KRCC1: variants seen among roughly 807,000 people sequenced by gnomAD.
KRCC1 encodes the protein lysine rich coiled-coil 1.
Under a neutral mutation model 7.4 loss-of-function variants are expected in KRCC1, and 3 were observed. That is an observed-to-expected ratio of 0.40 (90% CI 0.18 to 1.04). The LOEUF is 1.04. KRCC1 is among the 50% of genes least tolerant of loss of function. The pLI, the probability that KRCC1 is intolerant of heterozygous loss-of-function variation, is 0.33. For missense variants in KRCC1, 277 were observed against 300.9 expected, an observed-to-expected ratio of 0.92 and a Z score of 0.59; for synonymous variants, 102 against 101.6, an observed-to-expected ratio of 1.00 and a Z score of -0.02.
At position 88,028,238 on chromosome 2, in the gene KRCC1, T is replaced by A. The variant is rs1457652868; in HGVS notation, c.326A>T (p.Asp109Val). The change falls in exon 4 of 4, where the codon GAC becomes GTC. Residue 109 changes from aspartate to valine, a missense_variant. Physicochemically the swap from Asp to Val is radical, Grantham distance 152. Transcript: ENST00000347055. ...DSLSYCQFTR[D>V]CFSEKPVPLN... ...GGGTACTGGTTTTTCTGAGAAACAG[T>A]CCCTCGTGAACTGACAGTAGCTCAG... 1 of 1,614,082 alleles carries A rather than the reference T, an allele frequency of 6.2e-7. No homozygotes were observed. Among genetic ancestry groups the A allele is most frequent in the Non-Finnish European group, 8.5e-7 (1 of 1,180,034 alleles).
chr2:88,028,232 A>G lies in KRCC1; in HGVS notation c.332T>C (p.Phe111Ser), dbSNP rs1476978156. 1 of 1,614,192 alleles carries G rather than the reference A, an allele frequency of 6.2e-7. No individual in the cohort carries two copies. The highest frequency in any genetic ancestry group is 8.5e-7 in the Non-Finnish European group (1 of 1,180,020). ...LSYCQFTRDC[F>S]SEKPVPLNFN... ...GTTCAGGGGTACTGGTTTTTCTGAG[A>G]AACAGTCCCTCGTGAACTGACAGTA... is the stretch of plus-strand genomic sequence containing the variant. The change falls in exon 4 of 4, where the codon TTC becomes TCC. Residue 111 changes from phenylalanine (F) to serine (S), a missense_variant. Transcript: ENST00000347055.
intron 1 of KRCC1, 97 bp downstream of exon 1, chr2:88,055,529 G>C (rs940719521): frequency 6.6e-6 from 1 of 151,984 alleles, no homozygotes; most frequent in Non-Finnish European, 1.5e-5. Flanking sequence ...CACACTCGGG[G>C]CGCGCCCGGC....
Position 88,027,411 on chromosome 2 carries a change from C to A in KRCC1, c.*373G>T. ...GAGAAAAACCAATGAACATAAAATA[C>A]CCAACTCAAAACTATAACAAACCCA... On this transcript the variant is annotated 3_prime_UTR_variant, in exon 4 of 4. Coordinates refer to ENST00000347055, the MANE Select transcript of KRCC1 (RefSeq NM_016618.3). 6.0e-6 allele frequency: 1 copy of A among 166,466 alleles called. No individual in the cohort carries two copies. The highest frequency in any genetic ancestry group is 1.3e-5 in the Non-Finnish European group (1 of 77,798). The allele number at this position is 166,466 out of a possible 1,614,324, so 10.3% of individuals were successfully genotyped here. A position where few individuals can be genotyped will look rare whatever the true frequency, so the allele number is the denominator to read the frequency against.
chr2:88,039,738 A>G (rs2104614277), intron 1 of KRCC1, among the ~76,000 whole-genome samples: 1 of 152,034 alleles, frequency 6.6e-6, no homozygotes, highest in South Asian at 2.1e-4. Flanking sequence ...TAGTTGTTTT[A>G]AAATAAAGGA....
At chr2:88,037,558 G>A (rs558048876) in intron 1 of KRCC1, among the ~76,000 whole-genome samples, 1 of 152,166 alleles carries the variant, frequency 6.6e-6, no homozygotes, top group Admixed American at 6.5e-5. Context: ...ACAGGCGCAT[G>A]TCACTGTACC....
intron 1 of KRCC1, among the ~76,000 whole-genome samples, chr2:88,050,548 G>C (rs1334779398): frequency 1.8e-4 from 27 of 152,196 alleles, no homozygotes; most frequent in Admixed American, 1.8e-3. Flanking sequence ...ACTTGAACCA[G>C]GGAGGGAGAG....
Position 88,028,194 on chromosome 2 carries a change from C to T in KRCC1, c.370G>A (p.Glu124Lys), listed in dbSNP as rs115219760. Reference protein sequence around the residue: ...KPVPLNFNQQEYICGSHGVEH... With the variant: ...KPVPLNFNQQKYICGSHGVEH... Reference sequence around the variant, plus strand: ...ACACCATGTGAGCCACAAATATATTCTTGTTGATTAAAGTTCAGGGGTACT... The same window carrying T: ...ACACCATGTGAGCCACAAATATATTTTTGTTGATTAAAGTTCAGGGGTACT... Residue 124 changes from glutamate (E) to lysine (K), a missense_variant, in exon 4 of 4, where the codon GAA (glutamate) becomes AAA (lysine). By Grantham distance (56) the Glu-to-Lys change is moderately conservative (BLOSUM62 1). Coordinates refer to ENST00000347055, the MANE Select transcript of KRCC1 (RefSeq NM_016618.3). The T allele has an allele frequency of 2.6e-3, 4,155 of 1,614,172 alleles. 85 individuals are homozygous for T. The African/African-American group carries it at 0.05, about 19-fold the overall frequency.
intron 1 of KRCC1, among the ~76,000 whole-genome samples, chr2:88,049,310 T>C (rs1267356643): frequency 6.6e-6 from 1 of 152,152 alleles, no homozygotes; most frequent in Non-Finnish European, 1.5e-5. Context: ...ATATCCTACA[T>C]CAAAGAACAT....
chr2:88,043,999 A>AG (rs1407778900), intron 1 of KRCC1, among the ~76,000 whole-genome samples: 1 of 152,158 alleles, frequency 6.6e-6, no homozygotes, highest in Admixed American at 6.5e-5. Flanking sequence ...TTATCCTCAT[A>AG]AGAACTCTAT....
intron 1 of KRCC1, among the ~76,000 whole-genome samples, chr2:88,039,627 G>A (rs570208975): frequency 6.6e-6 from 1 of 152,236 alleles, no homozygotes; most frequent in Admixed American, 6.5e-5. Context: ...GGTGGAAGGT[G>A]CAGTGAGCCA....
At chr2:88,048,339 C>A (rs1004594534) in intron 1 of KRCC1, among the ~76,000 whole-genome samples, 6 of 152,262 alleles carry the variant, frequency 3.9e-5, no homozygotes, top group African/African-American at 1.4e-4. Flanking sequence ...GCCTTGGCCT[C>A]CCAAAGTGCT....
At position 88,027,526 on chromosome 2, in the gene KRCC1, T is replaced by C. The variant is rs1365049844; in HGVS notation, c.*258A>G. 4 of 363,868 alleles carry C rather than the reference T, an allele frequency of 1.1e-5. No individual in the cohort carries two copies. The highest frequency in any genetic ancestry group is 1.5e-5 in the Non-Finnish European group (3 of 204,236). The allele number at this position is 363,868 out of a possible 1,614,324, so 22.5% of individuals were successfully genotyped here. A position where few individuals can be genotyped will look rare whatever the true frequency, so the allele number is the denominator to read the frequency against. On this transcript the variant is annotated 3_prime_UTR_variant, in exon 4 of 4. Transcript: ENST00000347055. Reference sequence around the variant, plus strand: ...AAAATATTTCCACCATCAAAGCAATTTGATGAATAAAAGCAGAGTCACTTT... The same window carrying C: ...AAAATATTTCCACCATCAAAGCAATCTGATGAATAAAAGCAGAGTCACTTT...
At chr2:88,049,466 T>A (rs927325658) in intron 1 of KRCC1, among the ~76,000 whole-genome samples, 3 of 152,124 alleles carry the variant, frequency 2.0e-5, no homozygotes, top group African/African-American at 7.2e-5. Context: ...GGCAACATGG[T>A]GAAACCCCGT....
chr2:88,052,763 T>TA (rs1482401715), intron 1 of KRCC1, among the ~76,000 whole-genome samples: 3 of 152,250 alleles, frequency 2.0e-5, no homozygotes, highest in East Asian at 3.8e-4. Flanking sequence ...TCATAACTGT[T>TA]ACATGCATGT....
Position 88,046,485 on chromosome 2 carries a change from C to A in KRCC1, c.-291+9141G>T, listed in dbSNP as rs573694551. Among the ~76,000 whole-genome samples, 4 of 152,316 alleles carry A rather than the reference C, an allele frequency of 2.6e-5. No individual in the cohort carries two copies. In the East Asian group the frequency reaches 7.7e-4, roughly 29 times the overall value. ...TGACATAGTGAGATGTTCTCCCAAC[C>A]AATTAGTCTAGTAACTACAGAAAGA... On this transcript the variant is annotated intron_variant, in intron 1 of 3. Coordinates refer to ENST00000347055, the MANE Select transcript of KRCC1 (RefSeq NM_016618.3).
intron 1 of KRCC1, among the ~76,000 whole-genome samples, chr2:88,048,909 C>A (rs1673404705): frequency 6.6e-6 from 1 of 152,168 alleles, no homozygotes; most frequent in African/African-American, 2.4e-5. Flanking sequence ...AGGTCAAATC[C>A]TATTTAAAGT....
At chr2:88,039,169 T>C (rs1359381931) in intron 1 of KRCC1, among the ~76,000 whole-genome samples, 1 of 152,106 alleles carries the variant, frequency 6.6e-6, no homozygotes, top group African/African-American at 2.4e-5. Context: ...GGGTCAAACA[T>C]TTAACATATT....
intron 2 of KRCC1, among the ~76,000 whole-genome samples, chr2:88,034,883 A>G (rs1432144579): frequency 3.3e-5 from 5 of 152,122 alleles, no homozygotes; most frequent in Admixed American, 6.6e-5. Context: ...GATTTCATGT[A>G]TAAGTGAGAT....
chr2:88,046,692 A>C (rs935309319), intron 1 of KRCC1, among the ~76,000 whole-genome samples: 6 of 152,120 alleles, frequency 3.9e-5, no homozygotes, highest in African/African-American at 1.4e-4. Flanking sequence ...TTTTTTTGAG[A>C]CATGGTCTCA....
Sources: allele counts gnomAD v4.1 joint callset (sites outside exome capture counted in the v4.1 genomes callset), GRCh38; gene constraint gnomAD v4.1.1; transcripts MANE v1.5; gene names NCBI Gene and HGNC (gene_info 2026-07-23, HGNC 2026-07-21).